Variants in TTC39C observed in about 807,000 individuals in gnomAD.
TTC39C encodes tetratricopeptide repeat domain 39C.
A neutral mutation model predicts 76.3 loss-of-function variants in TTC39C; 33 were observed. That is an observed-to-expected ratio of 0.43 (90% confidence interval 0.33 to 0.58). TTC39C has a LOEUF of 0.58. TTC39C is among the 20% of genes least tolerant of loss of function. The pLI is 0.04. For missense variants in TTC39C, 595 were observed against 701.4 expected, an observed-to-expected ratio of 0.85 and a Z score of 1.71; for synonymous variants, 254 against 260.6, an observed-to-expected ratio of 0.97 and a Z score of 0.24.
chr18:24,001,843 T>TTTTTTG, intron 1 of TTC39C, among the ~76,000 whole-genome samples: 1 of 150,142 alleles, frequency 6.7e-6, no homozygotes, highest in Non-Finnish European at 1.5e-5. Context: ...TTTTTTTTTT[T>TTTTTTG]GAGACGGAGT....
At position 24,081,976 on chromosome 18, in the gene TTC39C, A is replaced by G. The variant is rs189411048; in HGVS notation, c.816-937A>G. Among the ~76,000 whole-genome samples the G allele has an allele frequency of 8.6e-5, 13 of 151,844 alleles. No homozygotes were observed. In the East Asian group the frequency reaches 1.9e-3, roughly 23 times the overall value. ...ACCAGAAGTATGCATTTACATAAAA[A>G]TATTTGACATGTTGGTTAAACATTT... On this transcript the variant is annotated intron_variant, in intron 5 of 13. Coordinates refer to ENST00000317571, the MANE Select transcript of TTC39C (RefSeq NM_001135993.2).
At chr18:24,093,323 C>A (rs557135841) in intron 6 of TTC39C, among the ~76,000 whole-genome samples, 18 of 152,076 alleles carry the variant, frequency 1.2e-4, no homozygotes, top group Non-Finnish European at 1.5e-5. Flanking sequence ...ACTACAAATA[C>A]AAAAAACTAG....
Position 24,042,498 on chromosome 18 carries a change from C to T in TTC39C, c.168-21642C>T, listed in dbSNP as rs763328112. ...TGGAGCGCAGGTGGTAATGCTCGCT[C>T]GCCTGCTGCTCACCTCCTGCTGTGT... On this transcript the variant is annotated intron_variant, in intron 1 of 13. Coordinates refer to ENST00000317571, the MANE Select transcript of TTC39C (RefSeq NM_001135993.2). Among the ~76,000 whole-genome samples the T allele has an allele frequency of 8.5e-5, 13 of 152,306 alleles. No homozygotes were observed. The South Asian group carries it at 1.0e-3, about 12-fold the overall frequency.
At chr18:24,076,396 T>A (rs1462104711) in intron 4 of TTC39C, among the ~76,000 whole-genome samples, 2 of 152,268 alleles carry the variant, frequency 1.3e-5, no homozygotes, top group South Asian at 4.1e-4. Context: ...GCAGGGTGTA[T>A]GGCTCTTAAA....
At chr18:24,056,875 G>T (rs549838858) in intron 1 of TTC39C, among the ~76,000 whole-genome samples, 1 of 151,924 alleles carries the variant, frequency 6.6e-6, no homozygotes, top group Non-Finnish European at 1.5e-5. Flanking sequence ...TAGAGACAGG[G>T]TCTCACTATG....
rs1356866635 is a variant in TTC39C, at chr18:24,064,086, ATTT to A, written c.168-52_168-50del. The A allele has an allele frequency of 5.0e-6, 8 of 1,603,624 alleles. No individual in the cohort carries two copies. In the African/African-American group the frequency reaches 1.1e-4, roughly 22 times the overall value. On this transcript the variant is annotated intron_variant, in intron 1 of 13. Transcript: ENST00000317571. ...ATATGTCAAATGCTTTTAAAATAAA[ATTT>A]TACAGTGAAAATAATTGTATTTTGT...
intron 8 of TTC39C, chr18:24,123,468 G>C: frequency 5.8e-6 from 1 of 172,414 alleles, no homozygotes; most frequent in Non-Finnish European, 1.2e-5. Context: ...GTGCAGTGGT[G>C]CGATCTCGGC....
At chr18:24,054,672 C>T (rs2083994426) in intron 1 of TTC39C, among the ~76,000 whole-genome samples, 1 of 152,134 alleles carries the variant, frequency 6.6e-6, no homozygotes, top group Non-Finnish European at 1.5e-5. Flanking sequence ...TGATGATATT[C>T]CATCTGGTTA....
chr18:24,030,978 C>G (rs1021981788), intron 1 of TTC39C, among the ~76,000 whole-genome samples: 3 of 150,672 alleles, frequency 2.0e-5, no homozygotes, highest in African/African-American at 7.3e-5. Flanking sequence ...GGGTCTTACT[C>G]TGTTGCCCAG....
At chr18:24,067,811 G>C (rs1250461766) in intron 3 of TTC39C, among the ~76,000 whole-genome samples, 1 of 152,060 alleles carries the variant, frequency 6.6e-6, no homozygotes, top group African/African-American at 2.4e-5. Flanking sequence ...GTTTTCGGTG[G>C]CCCCTCTCAC....
intron 6 of TTC39C, among the ~76,000 whole-genome samples, chr18:24,093,478 CAA>C (rs34863957): frequency 1.8e-4 from 20 of 113,158 alleles, no homozygotes; most frequent in African/African-American, 1.6e-4. Context: ...GACTCTGTCT[CAA>C]AAAAAAAAAA....
chr18:24,042,235 T>C (rs1324743691), intron 1 of TTC39C, among the ~76,000 whole-genome samples: 2 of 152,160 alleles, frequency 1.3e-5, no homozygotes, highest in African/African-American at 4.8e-5. Flanking sequence ...TTAACAGTGC[T>C]ATAGTGTAAG....
chr18:24,106,274 T>C (rs2084744355), intron 6 of TTC39C, among the ~76,000 whole-genome samples: 1 of 152,226 alleles, frequency 6.6e-6, no homozygotes, highest in Admixed American at 6.5e-5. Context: ...CAGATGCCAT[T>C]GGTGCCCTAG....
chr18:24,052,571 A>C (rs2083965034), intron 1 of TTC39C, among the ~76,000 whole-genome samples: 1 of 152,226 alleles, frequency 6.6e-6, no homozygotes, highest in South Asian at 2.1e-4. Flanking sequence ...TTTTTAAAGA[A>C]AATTTACAGT....
At chr18:24,090,680 C>T (rs2084505601) in intron 6 of TTC39C, among the ~76,000 whole-genome samples, 1 of 151,896 alleles carries the variant, frequency 6.6e-6, no homozygotes, top group Admixed American at 6.6e-5. Context: ...AAGAAAACTC[C>T]ACTTCCTACT....
intron 1 of TTC39C, among the ~76,000 whole-genome samples, chr18:24,046,980 A>G (rs986228922): frequency 1.7e-4 from 26 of 151,938 alleles, no homozygotes; most frequent in African/African-American, 5.8e-4. Flanking sequence ...TTCCCTAAAT[A>G]TCAGCTCTGT....
At chr18:24,107,626 C>T (rs928071105) in intron 6 of TTC39C, among the ~76,000 whole-genome samples, 2 of 152,204 alleles carry the variant, frequency 1.3e-5, no homozygotes, top group African/African-American at 4.8e-5. Context: ...TTTGCTCCTC[C>T]TTCGCCTTCT....
intron 1 of TTC39C, among the ~76,000 whole-genome samples, chr18:24,030,078 G>A (rs12104122): frequency 0.036 from 5,488 of 152,178 alleles, 294 homozygotes; most frequent in African/African-American, 0.12. Flanking sequence ...AGGAATCGCC[G>A]TACTGTTTAT....
intron 1 of TTC39C, among the ~76,000 whole-genome samples, chr18:24,022,346 C>T (rs548670413): frequency 6.6e-6 from 1 of 152,244 alleles, no homozygotes; most frequent in South Asian, 2.1e-4. Context: ...AACTTTTCTC[C>T]TTGTTTAATT....
Sources: allele counts gnomAD v4.1 joint callset (sites outside exome capture counted in the v4.1 genomes callset), GRCh38; gene constraint gnomAD v4.1.1; transcripts MANE v1.5; gene names NCBI Gene and HGNC (gene_info 2026-07-23, HGNC 2026-07-21).